The following IFRD1 variants were observed in gnomAD, a reference collection of about 807,000 sequenced individuals.
The protein encoded by IFRD1 is interferon related developmental regulator 1, also known as interferon-related developmental regulator 1.
A neutral mutation model predicts 52.9 loss-of-function variants in IFRD1; 35 were observed. The ratio of observed to expected loss-of-function variants is 0.66; its 90% confidence interval spans 0.51 to 0.88. The LOEUF (loss-of-function observed/expected upper bound fraction) is 0.88. Among genes scored for constraint, IFRD1 ranks in the 40% least tolerant of loss-of-function variants. IFRD1 has a pLI of 0.00. For missense variants in IFRD1, 517 were observed against 550.8 expected (o/e 0.94, Z 0.61); for synonymous variants, 184 against 188.4 (o/e 0.98, Z 0.19).
intron 1 of IFRD1, among the ~76,000 whole-genome samples, chr7:112,425,559 C>T (rs527652928): frequency 8.5e-4 from 130 of 152,264 alleles, no homozygotes; most frequent in Non-Finnish European, 1.6e-3. Flanking sequence ...GCTGTTGGAC[C>T]TCTGACCTTG....
At chr7:112,469,419 A>C (rs1268796181) in intron 9 of IFRD1, among the ~76,000 whole-genome samples, 2 of 152,210 alleles carry the variant, frequency 1.3e-5, no homozygotes, top group Admixed American at 1.3e-4. Context: ...TGGATTTTAT[A>C]GTCTAAAAAA....
intron 9 of IFRD1, among the ~76,000 whole-genome samples, chr7:112,470,551 GTTGTT>G (rs549293798): frequency 1.3e-4 from 20 of 152,268 alleles, no homozygotes; most frequent in South Asian, 8.3e-4. Flanking sequence ...GGGAAGGTTT[GTTGTT>G]TTGTTTTGTT....
chr7:112,460,241 GTTTTT>G (rs35314166), intron 5 of IFRD1, among the ~76,000 whole-genome samples: 1 of 92,950 alleles, frequency 1.1e-5, no homozygotes, highest in Admixed American at 1.5e-4. Context: ...CAGTCCTAGG[GTTTTT>G]TTTTTTTTTT....
intron 5 of IFRD1, chr7:112,461,620 A>C (rs1351346157): frequency 3.6e-6 from 1 of 275,044 alleles, no homozygotes; most frequent in African/African-American, 2.2e-5. Context: ...AAGAAGACTG[A>C]AGAGGAACAG....
At chr7:112,456,571 T>C (rs964133057) in intron 3 of IFRD1, among the ~76,000 whole-genome samples, 6 of 149,932 alleles carry the variant, frequency 4.0e-5, no homozygotes, top group Non-Finnish European at 3.0e-5. Flanking sequence ...ACTTTTATAG[T>C]TTTAAAAAAA....
Position 112,462,193 on chromosome 7 carries a change from G to A in IFRD1, c.797+14G>A. On this transcript the variant is annotated intron_variant, in intron 7 of 11. Transcript: ENST00000403825. Reference sequence around the variant, plus strand: ...AAAGCTTGAGATGTATGTATTTTTAGTTTCATATTTTATAAAAGCAACATT... The same window carrying A: ...AAAGCTTGAGATGTATGTATTTTTAATTTCATATTTTATAAAAGCAACATT... 1 of 1,613,086 alleles carries A rather than the reference G, an allele frequency of 6.2e-7. No individual in the cohort carries two copies.
In IFRD1 at chr7:112,462,395, C is replaced by A. The variant is rs1280922233; in HGVS notation, c.906+17C>A. 26 of 1,538,166 alleles carry A rather than the reference C, an allele frequency of 1.7e-5. No homozygotes were observed. The highest frequency in any genetic ancestry group is 2.2e-5 in the Non-Finnish European group (24 of 1,111,518). ...ATAGAGAGTGTAAGTATCTAACTGGCAGAGGAAAAAGCTTGTGTCACAAGG... is the reference window on the plus strand; with the variant it reads ...ATAGAGAGTGTAAGTATCTAACTGGAAGAGGAAAAAGCTTGTGTCACAAGG... On this transcript the variant is annotated intron_variant, in intron 8 of 11. Coordinates refer to ENST00000403825, the MANE Select transcript of IFRD1 (RefSeq NM_001550.4).
intron 5 of IFRD1, among the ~76,000 whole-genome samples, chr7:112,459,319 A>G (rs915264269): frequency 6.6e-5 from 10 of 152,214 alleles, no homozygotes; most frequent in Admixed American, 6.5e-4. Flanking sequence ...GGTTTGAGAA[A>G]GCTTTCATTC....
At chr7:112,459,084 A>T (rs1372420240) in intron 5 of IFRD1, 66 bp downstream of exon 5, 2 of 491,752 alleles carry the variant, frequency 4.1e-6, no homozygotes, top group Non-Finnish European at 7.1e-6. Flanking sequence ...GTGCGCCTAT[A>T]GTACTGTACC....
At chr7:112,449,461 AAT>A (rs1333585429), upstream of IFRD1, among the ~76,000 whole-genome samples, 1 of 152,146 alleles carries the variant, frequency 6.6e-6, no homozygotes, top group Non-Finnish European at 1.5e-5. Context: ...TTGAAAATAG[AAT>A]AGAGCTCAGC....
intron 9 of IFRD1, among the ~76,000 whole-genome samples, chr7:112,469,858 C>T (rs1258634576): frequency 6.6e-6 from 1 of 152,152 alleles, no homozygotes; most frequent in Non-Finnish European, 1.5e-5. Context: ...TTTTCTTCAT[C>T]TCAGGATCTC....
At chr7:112,431,955 A>AT (rs1344048400) in intron 1 of IFRD1, among the ~76,000 whole-genome samples, 1 of 152,188 alleles carries the variant, frequency 6.6e-6, no homozygotes, top group Non-Finnish European at 1.5e-5. Context: ...CTCAATACAT[A>AT]TTTACTAAAC....
At chr7:112,450,313 A>G (rs568846773), upstream of IFRD1, 1,648 of 237,760 alleles carry the variant, frequency 6.9e-3, 13 homozygotes, top group Non-Finnish European at 0.011. Context: ...GCCGCATGGG[A>G]TTTGTAGGTA....
chr7:112,431,112 G>A (rs1372489541), intron 1 of IFRD1, among the ~76,000 whole-genome samples: 2 of 152,108 alleles, frequency 1.3e-5, no homozygotes, highest in Non-Finnish European at 2.9e-5. Flanking sequence ...TGTGTATCCT[G>A]TTGTGGCCAG....
Position 112,460,224 on chromosome 7 carries a change from A to G in IFRD1, c.567+1206A>G, listed in dbSNP as rs114787908. Among the ~76,000 whole-genome samples the G allele has an allele frequency of 2.4e-3, 354 of 145,900 alleles. 3 individuals are homozygous for G. The highest frequency in any genetic ancestry group is 8.2e-3 in the African/African-American group (326 of 39,868). Reference sequence around the variant, plus strand: ...ATTTAGCAGATGGAATCCATATTAAATTGAGGCAGTCCTAGGGTTTTTTTT... The same window carrying G: ...ATTTAGCAGATGGAATCCATATTAAGTTGAGGCAGTCCTAGGGTTTTTTTT... On this transcript the variant is annotated intron_variant, in intron 5 of 11. Transcript: ENST00000403825.
chr7:112,450,304 C>CTCTTATA, upstream of IFRD1: 1 of 218,296 alleles, frequency 4.6e-6, no homozygotes, highest in South Asian at 5.3e-5. Context: ...GGAAGACTGG[C>CTCTTATA]CGCATGGGAT....
intron 5 of IFRD1, among the ~76,000 whole-genome samples, chr7:112,460,198 C>A (rs909739505): frequency 2.7e-5 from 4 of 149,238 alleles, no homozygotes; most frequent in African/African-American, 9.8e-5. Flanking sequence ...TTAGCCTCCC[C>A]ATTTAGCAGA....
intron 1 of IFRD1, among the ~76,000 whole-genome samples, chr7:112,431,729 T>C (rs1035257241): frequency 2.6e-5 from 4 of 152,172 alleles, no homozygotes; most frequent in African/African-American, 9.7e-5. Context: ...GAAGCAGAAA[T>C]GTCACAGTTA....
intron 8 of IFRD1, among the ~76,000 whole-genome samples, chr7:112,467,153 A>G (rs1795628467): frequency 1.3e-5 from 2 of 152,180 alleles, no homozygotes; most frequent in South Asian, 2.1e-4. Flanking sequence ...GAGCTGTTAT[A>G]TTAATATAAT....
Sources: allele counts gnomAD v4.1 joint callset (sites outside exome capture counted in the v4.1 genomes callset), GRCh38; gene constraint gnomAD v4.1.1; transcripts MANE v1.5; gene names NCBI Gene and HGNC (gene_info 2026-07-23, HGNC 2026-07-21).